ZPLD1: variants seen among roughly 807,000 people sequenced by gnomAD.
ZPLD1 encodes the protein zona pellucida like domain containing 1, also known as zona pellucida-like domain-containing protein 1.
A neutral mutation model predicts 47.2 loss-of-function variants in ZPLD1; 34 were observed. The ratio of observed to expected loss-of-function variants is 0.72; its 90% CI spans 0.55 to 0.96. ZPLD1 has a LOEUF of 0.96. ZPLD1 is among the 40% of genes least tolerant of loss of function. The probability of loss-of-function intolerance (pLI) is 0.00; values close to 1 mark genes in which losing one functional copy is unlikely to be tolerated. For synonymous variants in ZPLD1, 176 were observed against 186.2 expected (o/e 0.95, Z 0.45); for missense variants, 512 against 505.8 (o/e 1.01, Z -0.12).
intron 6 of ZPLD1, among the ~76,000 whole-genome samples, chr3:102,386,936 A>G (rs1706430941): frequency 6.6e-6 from 1 of 152,174 alleles, no homozygotes; most frequent in Non-Finnish European, 1.5e-5. Context: ...AGCATTTTTA[A>G]TAAGATGTTT....
intron 7 of ZPLD1, among the ~76,000 whole-genome samples, chr3:102,463,002 C>G (rs1707532928): frequency 6.6e-6 from 1 of 152,118 alleles, no homozygotes; most frequent in African/African-American, 2.4e-5. Context: ...GATTGGTATA[C>G]TCTATAAATT....
intron 3 of ZPLD1, among the ~76,000 whole-genome samples, chr3:102,442,363 C>CACAG (rs1559752783): frequency 7.3e-6 from 1 of 136,266 alleles, no homozygotes; most frequent in Non-Finnish European, 1.6e-5. Context: ...CACACACACA[C>CACAG]AGTTACAATT....
intron 8 of ZPLD1, among the ~76,000 whole-genome samples, chr3:102,422,658 G>C (rs1442840391): frequency 1.3e-5 from 2 of 152,018 alleles, no homozygotes; most frequent in Non-Finnish European, 2.9e-5. Context: ...TGGAGGGTTG[G>C]TGGGCTTGGG....
upstream of ZPLD1, among the ~76,000 whole-genome samples, chr3:102,433,376 C>A (rs1277010552): frequency 6.6e-6 from 1 of 152,138 alleles, no homozygotes; most frequent in African/African-American, 2.4e-5. Flanking sequence ...GATTACTGTG[C>A]CTTAGTTTTC....
chr3:102,437,043 G>C (rs1481220271), intron 2 of ZPLD1, 70 bp downstream of exon 2: 1 of 635,486 alleles, frequency 1.6e-6, no homozygotes, highest in Non-Finnish European at 2.0e-6. Flanking sequence ...GACTCCAAAA[G>C]AGCAAGACTG....
At chr3:102,453,697 C>A (rs1030776) in intron 4 of ZPLD1, among the ~76,000 whole-genome samples, 2 of 152,172 alleles carry the variant, frequency 1.3e-5, no homozygotes, top group African/African-American at 4.8e-5. Flanking sequence ...AAATGTTTAT[C>A]ATATCCAGTC....
Position 102,406,740 on chromosome 3 carries a change from A to T in ZPLD1, c.-156-11320A>T, listed in dbSNP as rs368482036. Reference sequence around the variant, plus strand: ...GATTTTTATTCTAAACCACAGTTTAAAATGTTTTAAAAAGAATGACTACCT... The same window carrying T: ...GATTTTTATTCTAAACCACAGTTTATAATGTTTTAAAAAGAATGACTACCT... On this transcript the variant is annotated intron_variant, in intron 7 of 17. Coordinates refer to the ZPLD1 transcript ENST00000491959. Among the ~76,000 whole-genome samples, 17 of 151,968 alleles carry T rather than the reference A, an allele frequency of 1.1e-4. No individual in the cohort carries two copies. In the East Asian group the frequency reaches 3.1e-3, roughly 28 times the overall value.
rs767816981 is a variant in ZPLD1, at chr3:102,469,014, G to A, written c.812G>A (p.Arg271Gln). The A allele has an allele frequency of 5.6e-6, 9 of 1,613,934 alleles. No individual in the cohort carries two copies. The African/African-American group carries it at 8.0e-5, about 14-fold the overall frequency. Residue 271 changes from arginine (R) to glutamine (Q), a missense_variant, in exon 9 of 12, where the codon CGG becomes CAG. Transcript: ENST00000466937. ...TTVIENGRSQ[R>Q]GRFSFEVFRF... is the part of the protein sequence containing the mutation. ...GTCATTGAGAATGGCCGAAGCCAGC[G>A]GGGCCGGTTTTCTTTTGAAGTGTTC... is the stretch of plus-strand genomic sequence containing the variant.
intron 7 of ZPLD1, among the ~76,000 whole-genome samples, chr3:102,413,000 GA>G (rs1280183486): frequency 6.6e-6 from 1 of 151,670 alleles, no homozygotes; most frequent in East Asian, 1.9e-4. Context: ...TTTGACATTT[GA>G]AAAATTTGAA....
At chr3:102,393,064 A>C (rs1264174541) in intron 7 of ZPLD1, among the ~76,000 whole-genome samples, 2 of 152,304 alleles carry the variant, frequency 1.3e-5, no homozygotes, top group South Asian at 2.1e-4. Flanking sequence ...AGGCCTAAAC[A>C]ATATGAATTT....
intron 4 of ZPLD1, among the ~76,000 whole-genome samples, chr3:102,455,067 G>T (rs1054349154): frequency 2.6e-5 from 4 of 152,146 alleles, no homozygotes; most frequent in African/African-American, 9.7e-5. Context: ...TAAGTCTCTG[G>T]ATTGGAATAA....
chr3:102,410,224 T>C (rs1399405739), intron 7 of ZPLD1, among the ~76,000 whole-genome samples: 1 of 151,816 alleles, frequency 6.6e-6, no homozygotes, highest in Non-Finnish European at 1.5e-5. Flanking sequence ...TTCACATCTG[T>C]AGACTAGGAG....
At position 102,456,343 on chromosome 3, in the gene ZPLD1, G is replaced by A; in HGVS notation, c.478G>A (p.Glu160Lys). 6.2e-7 allele frequency: 1 copy of A among 1,612,838 alleles called. No homozygotes were observed. ...LYKFSCSYPL[E>K]YLVNNTQLAS... Reference sequence around the variant, plus strand: ...CAAATTTAGTTGTAGTTATCCATTGGAATACCTGGTTAATAATACCCAGCT... The same window carrying A: ...CAAATTTAGTTGTAGTTATCCATTGAAATACCTGGTTAATAATACCCAGCT... Residue 160 changes from glutamate to lysine, a missense_variant, in exon 5 of 12, where the codon GAA (glutamate) becomes AAA (lysine). Glu to Lys is a moderately conservative substitution (Grantham distance 56, BLOSUM62 1). Coordinates refer to ENST00000466937, the MANE Select transcript of ZPLD1 (RefSeq NM_001329788.2).
At chr3:102,477,151 T>C in intron 11 of ZPLD1, 110 bp downstream of exon 11, 2 of 1,222,138 alleles carry the variant, frequency 1.6e-6, no homozygotes, top group Non-Finnish European at 2.4e-6. Context: ...TGGTCCATTT[T>C]AGATAACAGT....
intron 7 of ZPLD1, among the ~76,000 whole-genome samples, chr3:102,398,672 C>T (rs1172289946): frequency 1.3e-5 from 2 of 152,160 alleles, no homozygotes; most frequent in African/African-American, 4.8e-5. Context: ...TTCAATGTGG[C>T]CTGTGCTGTG....
chr3:102,448,999 G>T (rs975134102), intron 3 of ZPLD1, among the ~76,000 whole-genome samples: 3 of 152,172 alleles, frequency 2.0e-5, no homozygotes, highest in African/African-American at 7.2e-5. Context: ...CAGGTAGATG[G>T]TATCTTAGGC....
chr3:102,438,408 C>G (rs1214263076), intron 2 of ZPLD1, 72 bp from the exon 3 acceptor site: 1 of 1,086,426 alleles, frequency 9.2e-7, no homozygotes, highest in African/African-American at 1.5e-5. Flanking sequence ...TGAGATCAGC[C>G]TCAGTTTTTC....
Position 102,438,604 on chromosome 3 carries a change from G to A in ZPLD1, c.106+11G>A, listed in dbSNP as rs779114687. ...ACAGTAGATTTCCTGGTAAGTGTAA[G>A]CCTAATCTATTCTCTAGTTGTTTCT... On this transcript the variant is annotated intron_variant, in intron 3 of 11. Coordinates refer to ENST00000466937, the MANE Select transcript of ZPLD1 (RefSeq NM_001329788.2). 8.2e-6 allele frequency: 13 copies of A among 1,588,020 alleles called. No homozygotes were observed. In the Admixed American group the frequency reaches 2.2e-4, roughly 27 times the overall value.
intron 7 of ZPLD1, among the ~76,000 whole-genome samples, chr3:102,403,810 A>G (rs1283138449): frequency 1.3e-5 from 2 of 151,938 alleles, no homozygotes; most frequent in African/African-American, 4.8e-5. Context: ...TGAATTGAGA[A>G]GGTTCTACTC....
Sources: gnomAD v4.1 joint callset for allele counts (sites outside exome capture counted in the v4.1 genomes callset) on GRCh38, gnomAD v4.1.1 for gene constraint, MANE v1.5 for transcripts, NCBI Gene and HGNC (gene_info 2026-07-23, HGNC 2026-07-21) for gene names.